RRAS2: variants seen among roughly 807,000 people sequenced by gnomAD.
The protein encoded by RRAS2 is RAS related 2.
In RRAS2, 7 loss-of-function variants were observed where a neutral mutation model predicts 27.6. The observed-to-expected ratio is 0.25, with a 90% CI of 0.14 to 0.48. RRAS2 has a LOEUF of 0.48. Ranked by LOEUF, RRAS2 falls within the 20% of genes least tolerant of loss-of-function variation. RRAS2 has a pLI of 0.99. For missense variants in RRAS2, 178 were observed against 256.2 expected, an observed-to-expected ratio of 0.69 and a Z score of 2.08; for synonymous variants, 86 against 90.9, an observed-to-expected ratio of 0.95 and a Z score of 0.31.
At chr11:14,293,124 A>AATAT (rs781860601) in intron 4 of RRAS2, among the ~76,000 whole-genome samples, 3,389 of 76,544 alleles carry the variant, frequency 0.044, 165 homozygotes, top group Non-Finnish European at 0.048. Context: ...AAACAAAACA[A>AATAT]ATATATATAT....
At chr11:14,287,384 G>T (rs1299064122) in intron 4 of RRAS2, among the ~76,000 whole-genome samples, 2 of 152,034 alleles carry the variant, frequency 1.3e-5, no homozygotes, top group Non-Finnish European at 2.9e-5. Context: ...TACACAAAAA[G>T]TAAAAGAAAT....
intron 4 of RRAS2, among the ~76,000 whole-genome samples, chr11:14,283,441 C>T (rs1849593106): frequency 1.3e-5 from 2 of 152,148 alleles, no homozygotes; most frequent in South Asian, 4.1e-4. Flanking sequence ...AAAGAATTTT[C>T]TCTCCTCTTC....
At chr11:14,294,995 A>C (rs986175148) in intron 2 of RRAS2, 133 bp from the exon 3 acceptor site, 2 of 678,248 alleles carry the variant, frequency 2.9e-6, no homozygotes, top group Middle Eastern at 3.7e-4. Flanking sequence ...TTCCTTTCTT[A>C]GTACTTTATT....
At chr11:14,294,437 CA>C (rs1294834461) in intron 4 of RRAS2, 33 bp downstream of exon 4, 2 of 1,353,876 alleles carry the variant, frequency 1.5e-6, no homozygotes, top group African/African-American at 1.5e-5. Context: ...TGATTATAAA[CA>C]ATTGGTTTCC....
At chr11:14,324,850 A>T (rs903956779) in intron 1 of RRAS2, among the ~76,000 whole-genome samples, 3 of 152,232 alleles carry the variant, frequency 2.0e-5, no homozygotes, top group Non-Finnish European at 4.4e-5. Context: ...ATCCACATGA[A>T]TGAAATTCGA....
intron 1 of RRAS2, among the ~76,000 whole-genome samples, chr11:14,339,299 G>C (rs1186453010): frequency 2.3e-5 from 3 of 131,582 alleles, no homozygotes; most frequent in Non-Finnish European, 4.9e-5. Context: ...AAAAAGGGGG[G>C]GGGGGGAAGA....
intron 5 of RRAS2, among the ~76,000 whole-genome samples, chr11:14,280,661 G>A (rs1211370112): frequency 2.1e-5 from 3 of 141,698 alleles, no homozygotes; most frequent in Non-Finnish European, 4.6e-5. Flanking sequence ...AGGAGGCGGA[G>A]GTTGTAATGA....
intron 1 of RRAS2, among the ~76,000 whole-genome samples, chr11:14,315,035 TA>T (rs1196536229): frequency 1.3e-5 from 2 of 152,204 alleles, no homozygotes; most frequent in African/African-American, 4.8e-5. Context: ...GTTTTTGTTA[TA>T]AAAAGCAAAA....
chr11:14,360,349 C>T (rs1030836020), upstream of RRAS2, among the ~76,000 whole-genome samples: 2 of 152,114 alleles, frequency 1.3e-5, no homozygotes, highest in African/African-American at 4.8e-5. Context: ...GTGAGAGACC[C>T]CAAGCAAAAA....
chr11:14,339,403 G>C (rs910865116), intron 1 of RRAS2, among the ~76,000 whole-genome samples: 1 of 151,068 alleles, frequency 6.6e-6, no homozygotes. Flanking sequence ...CCAAACTGCT[G>C]TGCTCAGTTC....
intron 4 of RRAS2, among the ~76,000 whole-genome samples, chr11:14,287,411 C>T (rs970103757): frequency 1.6e-4 from 24 of 152,134 alleles, no homozygotes; most frequent in Admixed American, 2.6e-4. Flanking sequence ...AAACTACTTA[C>T]TTTGTTGGGG....
intron 4 of RRAS2, among the ~76,000 whole-genome samples, chr11:14,284,018 G>A (rs1157806301): frequency 6.6e-6 from 1 of 151,756 alleles, no homozygotes; most frequent in South Asian, 2.1e-4. Context: ...TTCCTTTATG[G>A]TTTTACTATT....
chr11:14,308,517 T>C (rs1236865056), intron 1 of RRAS2, among the ~76,000 whole-genome samples: 1 of 152,206 alleles, frequency 6.6e-6, no homozygotes, highest in African/African-American at 2.4e-5. Flanking sequence ...CACGTTTAGC[T>C]CCTACAATAT....
In RRAS2 at chr11:14,355,920, C is replaced by T. The variant is rs376350465; in HGVS notation, c.108+2843G>A. ...ATTCCAGGAGTCAGGCAATGAATAG[C>T]TACCCTATTAAGTGTAAATATAAAA... is the stretch of plus-strand genomic sequence containing the variant. On this transcript the variant is annotated intron_variant, in intron 1 of 5. Coordinates refer to ENST00000256196, the MANE Select transcript of RRAS2 (RefSeq NM_012250.6). 3.7e-4 allele frequency among the ~76,000 whole-genome samples: 57 copies of T among 152,242 alleles called. No homozygotes were observed. In the South Asian group the frequency reaches 0.011, roughly 30 times the overall value.
chr11:14,323,578 T>C (rs1848277954), intron 1 of RRAS2, among the ~76,000 whole-genome samples: 1 of 152,112 alleles, frequency 6.6e-6, no homozygotes, highest in Non-Finnish European at 1.5e-5. Context: ...CTAAAAGTTG[T>C]AAAAGCAAGG....
Position 14,279,394 on chromosome 11 carries a change from T to A in RRAS2, c.558A>T (p.Ser186=). The A allele has an allele frequency of 6.2e-7, 1 of 1,612,858 alleles. No homozygotes were observed. Among genetic ancestry groups the A allele is most frequent in the South Asian group, 1.1e-5 (1 of 91,060 alleles). ...CTTTTTCTTTCCGTGTTGGTTCTGG[T>A]GAAGGAGGACATTCCTGCTCTTGAA... ...RKFQEQECPP[S]PEPTRKEKDK... Residue 186 remains serine, a synonymous_variant, in exon 6 of 6, where the codon TCA becomes TCT. Coordinates refer to ENST00000256196, the MANE Select transcript of RRAS2 (RefSeq NM_012250.6).
chr11:14,310,222 G>C (rs1554948684), intron 1 of RRAS2, among the ~76,000 whole-genome samples: 21 of 152,214 alleles, frequency 1.4e-4, no homozygotes. Context: ...GTAGAGAATG[G>C]AGGAAGAATA....
At chr11:14,335,534 A>G (rs1848571743) in intron 1 of RRAS2, among the ~76,000 whole-genome samples, 1 of 152,246 alleles carries the variant, frequency 6.6e-6, no homozygotes, top group African/African-American at 2.4e-5. Context: ...AAAAATAGAA[A>G]CAAAATCAAA....
At chr11:14,328,366 C>CAAAA (rs71041596) in intron 1 of RRAS2, among the ~76,000 whole-genome samples, 395 of 67,356 alleles carry the variant, frequency 5.9e-3, no homozygotes, top group Middle Eastern at 9.6e-3. Flanking sequence ...AACTCCAACT[C>CAAAA]AAAAAAAAAA....
Sources: allele counts gnomAD v4.1 joint callset (sites outside exome capture counted in the v4.1 genomes callset), GRCh38; gene constraint gnomAD v4.1.1; transcripts MANE v1.5; gene names NCBI Gene and HGNC (gene_info 2026-07-23, HGNC 2026-07-21).